Variants in SLC9A7 observed in about 807,000 individuals in gnomAD.
SLC9A7 encodes the protein sodium/hydrogen exchanger 7.
SLC9A7 carries 19 observed loss-of-function variants against 52.6 expected under a neutral mutation model. That is an observed-to-expected ratio of 0.36 (90% confidence interval 0.25 to 0.53). The LOEUF (loss-of-function observed/expected upper bound fraction) is 0.53, where lower values mean the gene tolerates loss of function less well. SLC9A7 is among the 20% of genes least tolerant of loss of function. The probability of loss-of-function intolerance (pLI) is 0.91; values close to 1 mark genes in which losing one functional copy is unlikely to be tolerated. For missense variants in SLC9A7, 455 were observed against 597.9 expected (o/e 0.76, Z 2.49); for synonymous variants, 226 against 252.1 (o/e 0.90, Z 0.98).
chrX:46,668,369 G>A (rs974303389), intron 5 of SLC9A7, among the ~76,000 whole-genome samples: 4 of 111,182 alleles, frequency 3.6e-5, no homozygotes, highest in Non-Finnish European at 5.7e-5. Flanking sequence ...AAAATTAGCC[G>A]GGCATGGTGG....
At chrX:46,663,529 T>C (rs1337224136) in intron 5 of SLC9A7, among the ~76,000 whole-genome samples, 2 of 104,106 alleles carry the variant, frequency 1.9e-5, no homozygotes, top group African/African-American at 7.1e-5. Context: ...TCCCAGCTAC[T>C]TGGGAGGCTG....
At position 46,710,519 on chromosome X, in the gene SLC9A7, A is replaced by C. The variant is rs73493088; in HGVS notation, c.326-27984T>G. On this transcript the variant is annotated intron_variant, in intron 1 of 16. Coordinates refer to ENST00000616978, the MANE Select transcript of SLC9A7 (RefSeq NM_001257291.2). ...TTTGTATGCCCTTAAGAGCCTGGGA[A>C]TCCCCAAACTGCAATGTGACTCACC... 9.0e-3 allele frequency among the ~76,000 whole-genome samples: 1,000 copies of C among 111,230 alleles called. 14 individuals are homozygous for C. Among genetic ancestry groups the C allele is most frequent in the African/African-American group, 0.031 (946 of 30,592 alleles).
intron 3 of SLC9A7, among the ~76,000 whole-genome samples, chrX:46,676,946 T>A (rs1944129748): frequency 9.0e-6 from 1 of 111,659 alleles, no homozygotes; most frequent in South Asian, 3.8e-4. Flanking sequence ...CTCATATGCA[T>A]CATTAATCAT....
At chrX:46,649,736 C>T (rs1324653635) in intron 10 of SLC9A7, among the ~76,000 whole-genome samples, 1 of 112,358 alleles carries the variant, frequency 8.9e-6, no homozygotes, top group African/African-American at 3.2e-5. Context: ...GTTTTTCTTC[C>T]GTTTTCTTTG....
intron 6 of SLC9A7, 35 bp downstream of exon 6, chrX:46,662,503 G>A: frequency 9.7e-7 from 1 of 1,035,411 alleles, no homozygotes; most frequent in Non-Finnish European, 1.4e-6. Context: ...AGGAAACTGG[G>A]GTGTCTCTTC....
intron 12 of SLC9A7, among the ~76,000 whole-genome samples, chrX:46,640,284 G>A (rs1312527478): frequency 8.9e-6 from 1 of 111,982 alleles, no homozygotes; most frequent in African/African-American, 3.2e-5. Context: ...TTTGACAAAG[G>A]AGCAAAATTA....
intron 1 of SLC9A7, among the ~76,000 whole-genome samples, chrX:46,751,562 T>A (rs1442614095): frequency 9.0e-6 from 1 of 111,426 alleles, no homozygotes; most frequent in Non-Finnish European, 1.9e-5. Context: ...AATCTCAGCA[T>A]TTTAGGAAGC....
chrX:46,692,327 G>C (rs990732859), intron 1 of SLC9A7, among the ~76,000 whole-genome samples: 1 of 111,248 alleles, frequency 9.0e-6, no homozygotes, highest in African/African-American at 3.3e-5. Flanking sequence ...AGAATTGCTT[G>C]AGATTCAGCA....
intron 5 of SLC9A7, among the ~76,000 whole-genome samples, chrX:46,668,533 A>AG (rs1452619227): frequency 2.7e-5 from 3 of 111,911 alleles, no homozygotes; most frequent in Non-Finnish European, 5.6e-5. Context: ...CAAAAAAAAA[A>AG]CATGCTATAC....
chrX:46,646,928 G>A lies in SLC9A7; in HGVS notation c.1462+1758C>T, dbSNP rs180960975. On this transcript the variant is annotated intron_variant, in intron 11 of 16. Transcript: ENST00000616978. ...TCTTCAGTGAGGGGTACATACCTGC[G>A]ATCTTTACTGATGCTGCTGTAGAAG... 1.4e-3 allele frequency: 425 copies of A among 313,501 alleles called. 1 individual carries two copies. Among genetic ancestry groups the A allele is most frequent in the Middle Eastern group, 5.0e-3 (8 of 1,598 alleles). The allele number at this position is 313,501 out of a possible 1,213,427, so 25.8% of individuals were successfully genotyped here.
At chrX:46,671,008 C>A (rs1375597058) in intron 4 of SLC9A7, among the ~76,000 whole-genome samples, 1 of 111,742 alleles carries the variant, frequency 8.9e-6, no homozygotes, top group Non-Finnish European at 1.9e-5. Context: ...AAGTGTCATT[C>A]TTCAATAATA....
intron 1 of SLC9A7, among the ~76,000 whole-genome samples, chrX:46,696,409 C>T (rs756419038): frequency 1.5e-4 from 17 of 111,554 alleles, no homozygotes; most frequent in African/African-American, 2.3e-4. Flanking sequence ...ACAGGTTTAG[C>T]GTTACAATAC....
chrX:46,734,333 C>A (rs1945088718), intron 1 of SLC9A7, among the ~76,000 whole-genome samples: 1 of 111,463 alleles, frequency 9.0e-6, no homozygotes, highest in Non-Finnish European at 1.9e-5. Flanking sequence ...ACTACAGTAA[C>A]TACATTTATA....
In SLC9A7 at chrX:46,606,948, AAAGTC is replaced by A; in HGVS notation, c.2180_*3del. 8.3e-7 allele frequency: 1 copy of A among 1,210,923 alleles called. No homozygotes were observed. The highest frequency in any genetic ancestry group is 2.2e-5 in the Admixed American group (1 of 45,959). The stretch of plus-strand genomic sequence containing the variant: ...CCCCATCGCGCCAGGGCTTGGGGGG[AAAGTC>A]AAGCATTATCTTCCAGGGGAAACAC... On this transcript the variant is annotated stop_lost and 3_prime_UTR_variant, in exon 17 of 17. Transcript: ENST00000616978.
chrX:46,631,598 T>C lies in SLC9A7; in HGVS notation c.1728A>G (p.Gln576=). Residue 576 remains glutamine (Q), a synonymous_variant, in exon 14 of 17, where the codon CAA becomes CAG. Coordinates refer to ENST00000616978, the MANE Select transcript of SLC9A7 (RefSeq NM_001257291.2). ...QDPPPNNDSF[Q]VLQGDGPDSA... is the part of the protein sequence containing the mutation. ...TCTTGTGACTTACCCCTTGTAAGAC[T>C]TGAAAGCTGTCGTTGTTGGGTGGTG... is the stretch of plus-strand genomic sequence containing the variant. 2 of 1,209,714 alleles carry C rather than the reference T, an allele frequency of 1.7e-6. No individual in the cohort carries two copies. The highest frequency in any genetic ancestry group is 1.8e-5 in the South Asian group (1 of 56,727).
rs1484891018 is a variant in SLC9A7 at position 46,600,886 on chromosome X, A to T, written c.*6066T>A. ...TGTTTCTAAACTACAACTCTTGGCC[A>T]CTAGATTCCTTTGACTTACTGTATC... On this transcript the variant is annotated 3_prime_UTR_variant, in exon 17 of 17. Coordinates refer to ENST00000616978, the MANE Select transcript of SLC9A7 (RefSeq NM_001257291.2). 1 of 111,881 alleles carries T rather than the reference A, an allele frequency of 8.9e-6. No individual in the cohort carries two copies. Among genetic ancestry groups the T allele is most frequent in the African/African-American group, 3.2e-5 (1 of 30,785 alleles). The allele number at this position is 111,881 out of a possible 1,213,427, so 9.2% of individuals were successfully genotyped here. A position where few individuals can be genotyped will look rare whatever the true frequency, so the allele number is the denominator to read the frequency against.
chrX:46,703,599 T>C (rs1944563538), intron 1 of SLC9A7, among the ~76,000 whole-genome samples: 1 of 111,958 alleles, frequency 8.9e-6, no homozygotes, highest in South Asian at 3.7e-4. Context: ...TGTTGCTCAC[T>C]TATTCCAATC....
intron 3 of SLC9A7, among the ~76,000 whole-genome samples, chrX:46,674,062 C>T (rs780174908): frequency 1.2e-4 from 13 of 111,553 alleles, no homozygotes; most frequent in African/African-American, 3.9e-4. Context: ...CCATAAAGGG[C>T]TTCAATCAGG....
intron 1 of SLC9A7, among the ~76,000 whole-genome samples, chrX:46,684,148 G>A (rs1351029148): frequency 8.9e-6 from 1 of 111,913 alleles, no homozygotes; most frequent in Non-Finnish European, 1.9e-5. Context: ...AATCTGACCA[G>A]ATACGAAACA....
Sources: allele counts gnomAD v4.1 joint callset (sites outside exome capture counted in the v4.1 genomes callset), GRCh38; gene constraint gnomAD v4.1.1; transcripts MANE v1.5; gene names NCBI Gene and HGNC (gene_info 2026-07-23, HGNC 2026-07-21).